RYR2: variants seen among roughly 807,000 people sequenced by gnomAD.
The protein encoded by RYR2 is ryanodine receptor 2, also known as cardiac muscle ryanodine receptor-calcium release channel.
In RYR2, 227 loss-of-function variants were observed where a neutral mutation model predicts 601.1. That is an observed-to-expected ratio of 0.38 (90% CI 0.34 to 0.42). The LOEUF is 0.42. Ranked by LOEUF, RYR2 falls within the 10% of genes least tolerant of loss-of-function variation. RYR2 has a pLI of 1.00. For synonymous variants in RYR2, 2,223 were observed against 2,175.1 expected (o/e 1.02, Z -0.61); for missense variants, 4,646 against 6,156.5 (o/e 0.75, Z 8.21).
At chr1:237,680,343 A>G in intron 61 of RYR2, 113 bp from the exon 62 acceptor site, 2 of 769,990 alleles carry the variant, frequency 2.6e-6, no homozygotes, top group South Asian at 1.9e-5. Flanking sequence ...TGGCATGGAC[A>G]TAAGGAGACC....
At chr1:237,326,916 A>AT (rs968621371) in intron 2 of RYR2, among the ~76,000 whole-genome samples, 4 of 152,130 alleles carry the variant, frequency 2.6e-5, no homozygotes, top group Admixed American at 6.6e-5. Flanking sequence ...ATGCTGCTTT[A>AT]TTTTTGGGAA....
intron 1 of RYR2, among the ~76,000 whole-genome samples, chr1:237,235,055 G>A (rs1165621176): frequency 1.3e-5 from 2 of 152,156 alleles, no homozygotes; most frequent in African/African-American, 2.4e-5. Context: ...TGATTCAGAA[G>A]CCCAGGCCTC....
Position 237,106,312 on chromosome 1 carries a change from G to A in RYR2, c.48+63743G>A, listed in dbSNP as rs781700500. Reference sequence around the variant, plus strand: ...CGCTGGGCTGCAGACAGGCTCTGATGTGGCTTGCAGCACGGTGGCAGCAGG... The same window carrying A: ...CGCTGGGCTGCAGACAGGCTCTGATATGGCTTGCAGCACGGTGGCAGCAGG... On this transcript the variant is annotated intron_variant, in intron 1 of 104. Coordinates refer to ENST00000366574, the MANE Select transcript of RYR2 (RefSeq NM_001035.3). The surrounding 1 kb of genome is among the most constrained non-coding windows in gnomAD (Gnocchi z 4.4). 3.9e-5 allele frequency among the ~76,000 whole-genome samples: 6 copies of A among 152,212 alleles called. 1 individual carries two copies. The highest frequency in any genetic ancestry group is 6.5e-5 in the Admixed American group (1 of 15,290).
chr1:237,208,813 A>G (rs1172139570), intron 1 of RYR2, among the ~76,000 whole-genome samples: 1 of 151,238 alleles, frequency 6.6e-6, no homozygotes, highest in Non-Finnish European at 1.5e-5. Flanking sequence ...AGGTCTCCAG[A>G]ACTTATTTGT....
chr1:237,280,589 A>T (rs1179926682), intron 2 of RYR2, among the ~76,000 whole-genome samples: 1 of 152,230 alleles, frequency 6.6e-6, no homozygotes, highest in Non-Finnish European at 1.5e-5. Flanking sequence ...CAGAAAGGAA[A>T]TATCCTAATA....
rs763680755 is a variant in RYR2, at chr1:237,441,495, G to T, written c.1170+12G>T. On this transcript the variant is annotated intron_variant, in intron 13 of 104. Transcript: ENST00000366574. ...CTATACAACGTAAGGTAAGGTGATA[G>T]AAAAAAACATAATTTATAGAAGTAA... is the stretch of plus-strand genomic sequence containing the variant. 2.8e-6 allele frequency: 4 copies of T among 1,446,608 alleles called. No individual in the cohort carries two copies. Among genetic ancestry groups the T allele is most frequent in the Non-Finnish European group, 3.7e-6 (4 of 1,092,364 alleles). The allele number at this position is 1,446,608 out of a possible 1,614,324, so 89.6% of individuals were successfully genotyped here. A position where few individuals can be genotyped will look rare whatever the true frequency, so the allele number is the denominator to read the frequency against.
intron 3 of RYR2, chr1:237,341,756 T>C (rs1041842181): frequency 2.2e-6 from 1 of 455,736 alleles, no homozygotes; most frequent in East Asian, 6.6e-5. Context: ...GTAACAGTTT[T>C]GAACATATGA....
chr1:237,495,002 C>G lies in RYR2; in HGVS notation c.1962-1509C>G, dbSNP rs142945697. On this transcript the variant is annotated intron_variant, in intron 19 of 104. Transcript: ENST00000366574. ...GACGGGGTTTCACCATGTTGGCCAG[C>G]CTGGTCTCGAACTCCTGACCTTGTG... Among the ~76,000 whole-genome samples, 580 of 152,046 alleles carry G rather than the reference C, an allele frequency of 3.8e-3. 5 individuals carry two copies. Among genetic ancestry groups the G allele is most frequent in the East Asian group, 0.02 (101 of 5,162 alleles).
intron 80 of RYR2, among the ~76,000 whole-genome samples, chr1:237,747,369 G>T (rs552474029): frequency 1.6e-3 from 249 of 152,306 alleles, no homozygotes; most frequent in Non-Finnish European, 3.0e-3. Flanking sequence ...TGGTAATTCT[G>T]TAATAAATAC....
chr1:237,322,821 CGTGTG>C (rs1695754257), intron 2 of RYR2, among the ~76,000 whole-genome samples: 2 of 143,112 alleles, frequency 1.4e-5, no homozygotes, highest in Admixed American at 6.9e-5. Context: ...AACACACACA[CGTGTG>C]TGTGTGTGTG....
At chr1:237,340,753 A>G (rs905440638) in intron 3 of RYR2, among the ~76,000 whole-genome samples, 2 of 152,234 alleles carry the variant, frequency 1.3e-5, no homozygotes, top group Non-Finnish European at 2.9e-5. Context: ...TTTAGCCAGC[A>G]TCTTGTCCAA....
Position 237,566,479 on chromosome 1 carries a change from TTATCTTTCCTTCTTTTATTTATGA to T in RYR2, c.3215-74_3215-51del, listed in dbSNP as rs1282993228. 7 of 1,304,808 alleles carry T rather than the reference TTATCTTTCCTTCTTTTATTTATGA, an allele frequency of 5.4e-6. No homozygotes were observed. In the African/African-American group the frequency reaches 1.0e-4, roughly 19 times the overall value. The allele number at this position is 1,304,808 out of a possible 1,614,324, so 80.8% of individuals were successfully genotyped here. On this transcript the variant is annotated intron_variant, in intron 27 of 104. Coordinates refer to ENST00000366574, the MANE Select transcript of RYR2 (RefSeq NM_001035.3). ...TAGGTTGAATTACTAAAGTCGTGAT[TTATCTTTCCTTCTTTTATTTATGA>T]TATCTTTCCTTCTCTTTCACCTCCC...
At chr1:237,633,741 G>A in intron 43 of RYR2, 31 bp downstream of exon 43, 2 of 1,577,922 alleles carry the variant, frequency 1.3e-6, no homozygotes, top group Non-Finnish European at 8.6e-7. Flanking sequence ...TCATCTTTAA[G>A]GTTGAAATAA....
At chr1:237,189,350 T>C (rs932714130) in intron 1 of RYR2, among the ~76,000 whole-genome samples, 13 of 152,252 alleles carry the variant, frequency 8.5e-5, no homozygotes, top group African/African-American at 1.9e-4. Context: ...TTGTGAATCA[T>C]GCTGCAGTGA....
At chr1:237,668,025 G>A (rs1335023479) in intron 58 of RYR2, 67 bp downstream of exon 58, 1 of 1,228,546 alleles carries the variant, frequency 8.1e-7, no homozygotes, top group Non-Finnish European at 1.1e-6. Context: ...TATGGATGAA[G>A]TCGTCTTCAG....
At chr1:237,595,947 T>C (rs1441391589) in intron 34 of RYR2, among the ~76,000 whole-genome samples, 1 of 151,882 alleles carries the variant, frequency 6.6e-6, no homozygotes, top group Non-Finnish European at 1.5e-5. Context: ...CTGACATAAA[T>C]TACAGCTGAA....
chr1:237,088,219 A>G (rs1450804511), intron 1 of RYR2, among the ~76,000 whole-genome samples: 1 of 151,964 alleles, frequency 6.6e-6, no homozygotes, highest in Non-Finnish European at 1.5e-5. Context: ...CATGTCTGGC[A>G]TGTTTGCATT....
At chr1:237,606,528 A>G (rs1041988901) in intron 35 of RYR2, among the ~76,000 whole-genome samples, 1 of 152,238 alleles carries the variant, frequency 6.6e-6, no homozygotes, top group African/African-American at 2.4e-5. Flanking sequence ...CATGTCTAAA[A>G]CACCAAAAGC....
At chr1:237,489,945 C>A (rs1663137680) in intron 17 of RYR2, among the ~76,000 whole-genome samples, 1 of 152,142 alleles carries the variant, frequency 6.6e-6, no homozygotes, top group Non-Finnish European at 1.5e-5. Flanking sequence ...TCATGAAATA[C>A]TACGGATTGG....
Sources: allele counts gnomAD v4.1 joint callset (sites outside exome capture counted in the v4.1 genomes callset), GRCh38; gene constraint gnomAD v4.1.1; non-coding constraint Gnocchi (gnomAD v3.1); transcripts MANE v1.5; gene names NCBI Gene and HGNC (gene_info 2026-07-23, HGNC 2026-07-21).